The following EYS variants were observed in gnomAD, a reference collection of about 807,000 sequenced individuals.
EYS encodes the protein protein eyes shut homolog.
Under a neutral mutation model 282.1 loss-of-function variants are expected in EYS, and 250 were observed. That is an observed-to-expected ratio of 0.89 (90% CI 0.80 to 0.98). EYS has a LOEUF of 0.98. EYS is among the 50% of genes least tolerant of loss of function. The pLI is 0.00. For missense variants in EYS, 4,016 were observed against 3,709.0 expected (o/e 1.08, Z -2.15); for synonymous variants, 1,355 against 1,282.9 (o/e 1.06, Z -1.20).
chr6:64,707,642 G>T (rs1371827318), intron 22 of EYS, among the ~76,000 whole-genome samples: 1 of 145,684 alleles, frequency 6.9e-6, no homozygotes, highest in Admixed American at 7.0e-5. Context: ...TCCAGCCGGG[G>T]CGACAGAGTG....
At chr6:65,124,384 G>A (rs1177005203) in intron 12 of EYS, among the ~76,000 whole-genome samples, 1 of 152,044 alleles carries the variant, frequency 6.6e-6, no homozygotes, top group East Asian at 1.9e-4. Flanking sequence ...AATGTGATTT[G>A]AACTCAAGAG....
chr6:64,882,081 T>C (rs1766942187), intron 19 of EYS, among the ~76,000 whole-genome samples: 2 of 151,738 alleles, frequency 1.3e-5, no homozygotes, highest in South Asian at 2.1e-4. Context: ...CAAATGAGGA[T>C]GAGACAGCTT....
chr6:65,227,749 G>T (rs1766665538), intron 12 of EYS, among the ~76,000 whole-genome samples: 2 of 152,048 alleles, frequency 1.3e-5, no homozygotes, highest in African/African-American at 2.4e-5. Flanking sequence ...CTTAAAAAAT[G>T]AAATTATGAT....
At chr6:64,769,322 C>T (rs1474640700) in intron 22 of EYS, among the ~76,000 whole-genome samples, 1 of 151,944 alleles carries the variant, frequency 6.6e-6, no homozygotes, top group African/African-American at 2.4e-5. Context: ...AAAGCAGCCA[C>T]AGAAAGACAG....
chr6:64,685,620 A>T (rs1165567131), intron 22 of EYS, among the ~76,000 whole-genome samples: 1 of 152,044 alleles, frequency 6.6e-6, no homozygotes, highest in Non-Finnish European at 1.5e-5. Flanking sequence ...TTCCTCCACG[A>T]GTGGAAACAG....
At chr6:65,152,850 C>A (rs531162729) in intron 12 of EYS, among the ~76,000 whole-genome samples, 5 of 151,234 alleles carry the variant, frequency 3.3e-5, no homozygotes, top group Non-Finnish European at 7.4e-5. Flanking sequence ...TAAATATTTT[C>A]ATGGCTTTAG....
chr6:63,810,721 G>A (rs186330102), intron 36 of EYS, among the ~76,000 whole-genome samples: 7 of 152,350 alleles, frequency 4.6e-5, no homozygotes, highest in Non-Finnish European at 1.0e-4. Context: ...TACAATTCAA[G>A]TGGGCAAACC....
intron 36 of EYS, among the ~76,000 whole-genome samples, chr6:63,830,929 AG>A (rs1771615217): frequency 6.6e-6 from 1 of 152,244 alleles, no homozygotes; most frequent in African/African-American, 2.4e-5. Flanking sequence ...CTTAAAGAAA[AG>A]GATTTTCAAC....
intron 36 of EYS, among the ~76,000 whole-genome samples, chr6:63,842,650 G>A (rs549283752): frequency 6.6e-6 from 1 of 152,238 alleles, no homozygotes; most frequent in South Asian, 2.1e-4. Flanking sequence ...TGTTGCCATT[G>A]CTTTTGGTGT....
chr6:64,054,634 G>A lies in EYS; in HGVS notation c.6725+11704C>T, dbSNP rs139296197. Reference sequence around the variant, plus strand: ...ATTTCAGGAATGAGTTGTATAGCATGGTTAAATATAAGGGCTCTAGAGTAA... The same window carrying A: ...ATTTCAGGAATGAGTTGTATAGCATAGTTAAATATAAGGGCTCTAGAGTAA... On this transcript the variant is annotated intron_variant, in intron 33 of 42. Coordinates refer to ENST00000503581, the MANE Select transcript of EYS (RefSeq NM_001142800.2). Among the ~76,000 whole-genome samples, 1,444 of 152,196 alleles carry A rather than the reference G, an allele frequency of 9.5e-3. 9 individuals carry two copies. Among genetic ancestry groups the A allele is most frequent in the Non-Finnish European group, 0.014 (950 of 68,000 alleles).
At chr6:64,101,384 G>A (rs1019767219) in intron 31 of EYS, among the ~76,000 whole-genome samples, 9 of 151,936 alleles carry the variant, frequency 5.9e-5, no homozygotes, top group South Asian at 2.1e-4. Context: ...AAGCACAGAC[G>A]AATCAAAAAG....
intron 33 of EYS, among the ~76,000 whole-genome samples, chr6:64,024,594 TG>T (rs1769385792): frequency 1.3e-5 from 2 of 152,088 alleles, no homozygotes; most frequent in African/African-American, 4.8e-5. Flanking sequence ...CAATGAATCT[TG>T]CTGCTCCTCA....
intron 1 of EYS, among the ~76,000 whole-genome samples, chr6:65,669,351 A>G (rs1768306147): frequency 6.6e-6 from 1 of 151,946 alleles, no homozygotes; most frequent in Non-Finnish European, 1.5e-5. Context: ...AGTCATACAA[A>G]AACACTTAAA....
intron 2 of EYS, among the ~76,000 whole-genome samples, chr6:65,623,827 A>T (rs1453050283): frequency 2.6e-5 from 4 of 152,246 alleles, no homozygotes; most frequent in African/African-American, 9.6e-5. Flanking sequence ...AAAGTGAGAC[A>T]GAAGACAATT....
chr6:63,869,439 C>A (rs543364632), intron 35 of EYS, among the ~76,000 whole-genome samples: 3 of 151,934 alleles, frequency 2.0e-5, no homozygotes, highest in Non-Finnish European at 4.4e-5. Flanking sequence ...GAAAAATGAC[C>A]AAAATTTCTT....
chr6:64,027,699 G>A (rs979798402), intron 33 of EYS, among the ~76,000 whole-genome samples: 11 of 152,196 alleles, frequency 7.2e-5, no homozygotes, highest in African/African-American at 2.4e-4. Context: ...TGAGAAACAA[G>A]CTGCCCCCCA....
chr6:64,185,543 C>T (rs960220175), intron 31 of EYS, among the ~76,000 whole-genome samples: 6 of 152,082 alleles, frequency 3.9e-5, no homozygotes, highest in East Asian at 1.9e-4. Flanking sequence ...TATGTAGACA[C>T]GGAAAGGCTA....
At chr6:64,607,145 C>T (rs1008453253) in intron 24 of EYS, among the ~76,000 whole-genome samples, 2 of 151,884 alleles carry the variant, frequency 1.3e-5, no homozygotes, top group Non-Finnish European at 2.9e-5. Context: ...TGGTTTTTAT[C>T]ATAAAAAACG....
chr6:65,037,691 T>C (rs1423588327), intron 13 of EYS, among the ~76,000 whole-genome samples: 3 of 151,746 alleles, frequency 2.0e-5, no homozygotes, highest in Non-Finnish European at 4.4e-5. Context: ...TTATTAGTTG[T>C]TAAGATTTAA....
Sources: allele counts gnomAD v4.1 joint callset (sites outside exome capture counted in the v4.1 genomes callset), GRCh38; gene constraint gnomAD v4.1.1; transcripts MANE v1.5; gene names NCBI Gene and HGNC (gene_info 2026-07-23, HGNC 2026-07-21).